Variants in VPS16 observed in about 807,000 individuals in gnomAD.
VPS16 encodes VPS16 core subunit of CORVET and HOPS complexes, also known as vacuolar protein sorting-associated protein 16 homolog.
VPS16 carries 82 observed loss-of-function variants against 116.0 expected under a neutral mutation model. That is an observed-to-expected ratio of 0.71 (90% CI 0.59 to 0.85). The LOEUF (loss-of-function observed/expected upper bound fraction) is 0.85, where lower values mean the gene tolerates loss of function less well. Among genes scored for constraint, VPS16 ranks in the 40% least tolerant of loss-of-function variants. The pLI, the probability that VPS16 is intolerant of heterozygous loss-of-function variation, is 0.00. For missense variants in VPS16, 928 were observed against 1,090.6 expected (o/e 0.85, Z 2.10); for synonymous variants, 406 against 420.7 (o/e 0.96, Z 0.43).
intron 1 of VPS16, among the ~76,000 whole-genome samples, chr20:2,842,909 T>TATCTATCGATAGATAGATAGATG (rs1428286703): frequency 7.6e-4 from 18 of 23,816 alleles, no homozygotes; most frequent in Admixed American, 1.3e-3. Context: ...TAGATATATG[T>TATCTATCGATAGATAGATAGATG]TATGGATTGC....
chr20:2,860,949 C>T lies in VPS16; in HGVS notation c.631-21C>T, dbSNP rs1277333405. On this transcript the variant is annotated intron_variant, in intron 6 of 23. Coordinates refer to ENST00000380445, the MANE Select transcript of VPS16 (RefSeq NM_022575.4). The surrounding 1 kb of genome is among the most constrained non-coding windows in gnomAD (Gnocchi z 6.1). ...AAAGTCAGTATGTATCTGTCCCACC[C>T]CTACCCTGGCTCTGCCTCAGACGCC... The T allele has an allele frequency of 1.2e-6, 2 of 1,614,096 alleles. No individual in the cohort carries two copies. Among genetic ancestry groups the T allele is most frequent in the East Asian group, 4.5e-5 (2 of 44,884 alleles).
At chr20:2,859,855 T>C (rs753652483) in intron 2 of VPS16, 48 bp downstream of exon 2, 1 of 1,573,358 alleles carries the variant, frequency 6.4e-7, no homozygotes, top group Non-Finnish European at 8.7e-7. Flanking sequence ...TGGGATGAAC[T>C]CAAGGTCCTT....
chr20:2,842,915 A>G (rs953816671), intron 1 of VPS16, among the ~76,000 whole-genome samples: 1 of 2,570 alleles, frequency 3.9e-4, no homozygotes, highest in Non-Finnish European at 1.2e-3. Context: ...TATGTTATGG[A>G]TTGCAAGTAA....
At chr20:2,841,184 C>T (rs1466578836) in intron 1 of VPS16, 2 of 314,256 alleles carry the variant, frequency 6.4e-6, no homozygotes, top group East Asian at 7.9e-5. Context: ...CCGAGGGGGG[C>T]GGGATCGCAC....
chr20:2,863,968 C>T lies in VPS16; in HGVS notation c.1496C>T (p.Ser499Leu). 1 of 1,613,986 alleles carries T rather than the reference C, an allele frequency of 6.2e-7. No homozygotes were observed. Among genetic ancestry groups the T allele is most frequent in the Non-Finnish European group, 8.5e-7 (1 of 1,179,938 alleles). The change falls in exon 16 of 24, where the codon TCA (serine) becomes TTA (leucine). Residue 499 changes from serine (S) to leucine (L), a missense_variant. Physicochemically the swap from Ser to Leu is moderately radical, Grantham distance 145 (BLOSUM62 -2). Coordinates refer to ENST00000380445, the MANE Select transcript of VPS16 (RefSeq NM_022575.4). The surrounding 1 kb of genome is among the most constrained non-coding windows in gnomAD (Gnocchi z 4.4). Reference sequence around the variant, plus strand: ...TTGCAGGTGCAACAGAAGGATGTCTCAGATGAGGATGTGGCTCGAGCCATT... The same window carrying T: ...TTGCAGGTGCAACAGAAGGATGTCTTAGATGAGGATGTGGCTCGAGCCATT... ...ACYKVQQKDV[S>L]DEDVARAINQ...
intron 1 of VPS16, among the ~76,000 whole-genome samples, chr20:2,850,734 G>A (rs553673470): frequency 4.6e-5 from 7 of 151,892 alleles, no homozygotes; most frequent in East Asian, 1.9e-4. Context: ...TTGGGAGGCC[G>A]TGGCAGGCAG....
intron 1 of VPS16, among the ~76,000 whole-genome samples, chr20:2,841,967 C>T (rs1049165153): frequency 6.6e-6 from 1 of 152,110 alleles, no homozygotes; most frequent in African/African-American, 2.4e-5. Context: ...GGTGGCCAGG[C>T]TGGTCTTGAA....
At chr20:2,866,394 G>C in intron 23 of VPS16, 36 bp from the exon 24 acceptor site, 1 of 1,614,082 alleles carries the variant, frequency 6.2e-7, no homozygotes, top group Non-Finnish European at 8.5e-7. Flanking sequence ...CCCTTGAGCA[G>C]CCCCAACACC....
rs773036540 is a variant in VPS16 at position 2,864,459 on chromosome 20, A to G, written c.1815A>G (p.Arg605=). The part of the protein sequence containing the change: ...RNQPMALSLY[R]QFCKHQELET... ...AGCCCATGGCCCTCAGTTTGTACCG[A>G]CAGGTGTGTGTAGTGGGCAGGGTTG... Residue 605 remains arginine, a synonymous_variant, in exon 18 of 24, where the codon CGA becomes CGG. Transcript: ENST00000380445. This position sits in a 1 kb window ranked among gnomAD's most constrained non-coding sequence, Gnocchi z 5.2. The G allele has an allele frequency of 1.5e-5, 24 of 1,613,992 alleles. No homozygotes were observed. Among genetic ancestry groups the G allele is most frequent in the Non-Finnish European group, 1.9e-5 (23 of 1,180,014 alleles).
At position 2,844,952 on chromosome 20, in the gene VPS16, G is replaced by A. The variant is rs777494931; in HGVS notation, c.53+4125G>A. ...GATCACCGTTATCTGAAGAACGATGGGAAGCCTCAATTAAAGGATCTTAAC... is the reference window on the plus strand; with the variant it reads ...GATCACCGTTATCTGAAGAACGATGAGAAGCCTCAATTAAAGGATCTTAAC... On this transcript the variant is annotated intron_variant, in intron 1 of 23. Transcript: ENST00000380445. Among the ~76,000 whole-genome samples the A allele has an allele frequency of 6.9e-4, 96 of 139,202 alleles. 1 individual carries two copies. The highest frequency in any genetic ancestry group is 8.3e-4 in the Non-Finnish European group (52 of 63,026). The allele number at this position is 139,202 out of a possible 152,430, so 91.3% of individuals were successfully genotyped here.
chr20:2,843,215 C>T (rs960987828), intron 1 of VPS16, among the ~76,000 whole-genome samples: 1 of 151,980 alleles, frequency 6.6e-6, no homozygotes, highest in Non-Finnish European at 1.5e-5. Context: ...AGGCAGATCA[C>T]GAGGTCAAGA....
rs745916665 is a variant in VPS16, at chr20:2,860,140, G to C, written c.229G>C (p.Ala77Pro). The change falls in exon 3 of 24, where the codon GCC becomes CCC. Residue 77 changes from alanine (A) to proline (P), a missense_variant. Transcript: ENST00000380445. The surrounding 1 kb of genome is among the most constrained non-coding windows in gnomAD (Gnocchi z 6.1). ...ATACTCTGCTTCCGGCATGCCTCTG[G>C]CCAGCCTGCTGGTGAGCACTTCTGA... ...DIYSASGMPL[A>P]SLLWKSGPVV... is the part of the protein sequence containing the mutation. The C allele has an allele frequency of 6.2e-7, 1 of 1,614,048 alleles. No homozygotes were observed. The highest frequency in any genetic ancestry group is 8.5e-7 in the Non-Finnish European group (1 of 1,180,016).
rs374502603 is a variant in VPS16 at position 2,863,415 on chromosome 20, G to C, written c.1476+17G>C. On this transcript the variant is annotated intron_variant, in intron 15 of 23. Transcript: ENST00000380445. The surrounding 1 kb of genome is among the most constrained non-coding windows in gnomAD (Gnocchi z 4.4). ...TGCTACAAGGCAAGGATGTGGGATG[G>C]GGTCCAAGGGCATTTAGAGGATTCC... 2.1e-5 allele frequency: 34 copies of C among 1,611,884 alleles called. No homozygotes were observed. In the African/African-American group the frequency reaches 4.4e-4, roughly 21 times the overall value.
At chr20:2,850,012 C>T (rs1599979302) in intron 1 of VPS16, among the ~76,000 whole-genome samples, 1 of 152,178 alleles carries the variant, frequency 6.6e-6, no homozygotes, top group East Asian at 1.9e-4. Context: ...GAAGACTTAA[C>T]ATGGAAAGTT....
At position 2,863,037 on chromosome 20, in the gene VPS16, A is replaced by G. The variant is rs1173351734; in HGVS notation, c.1332-28A>G. 2 of 1,613,958 alleles carry G rather than the reference A, an allele frequency of 1.2e-6. No individual in the cohort carries two copies. Among genetic ancestry groups the G allele is most frequent in the Non-Finnish European group, 1.7e-6 (2 of 1,180,018 alleles). On this transcript the variant is annotated intron_variant, in intron 13 of 23. Transcript: ENST00000380445. This position sits in a 1 kb window ranked among gnomAD's most constrained non-coding sequence, Gnocchi z 4.4. ...CCTGGCAAGCGGGGCTTATTCTCCA[A>G]CTGGATCCTTAACCGAGGAAAATAC...
chr20:2,843,172 G>A (rs1016657864), intron 1 of VPS16, among the ~76,000 whole-genome samples: 2 of 151,538 alleles, frequency 1.3e-5, no homozygotes, highest in Admixed American at 6.6e-5. Flanking sequence ...GGTGGCTCAC[G>A]CCTGTAATCC....
rs2274671 is a variant in VPS16, at chr20:2,864,265, C to A, written c.1698C>A (p.Ile566=). The stretch of plus-strand genomic sequence containing the variant: ...GCAAACTGGCACTAAGCAAGGCCAT[C>A]GAGAGCGGGGACACTGACCTGGGTG... The part of the protein sequence containing the change: ...KRSKLALSKA[I]ESGDTDLVFT... Residue 566 remains isoleucine, a synonymous_variant, in exon 17 of 24, where the codon ATC becomes ATA. Transcript: ENST00000380445. This position sits in a 1 kb window ranked among gnomAD's most constrained non-coding sequence, Gnocchi z 5.2. 2 of 1,614,152 alleles carry A rather than the reference C, an allele frequency of 1.2e-6. No individual in the cohort carries two copies. Among genetic ancestry groups the A allele is most frequent in the Non-Finnish European group, 1.7e-6 (2 of 1,180,030 alleles).
rs1320503435 is a variant in VPS16, at chr20:2,840,781, T to A, written c.7T>A (p.Cys3Ser). The change falls in exon 1 of 24, where the codon TGC (cysteine) becomes AGC (serine). Residue 3 changes from cysteine to serine, a missense_variant. Cys to Ser is a moderately radical substitution (Grantham distance 112). Coordinates refer to ENST00000380445, the MANE Select transcript of VPS16 (RefSeq NM_022575.4). ...GCTGCCGTCTGCACCAGCCATGGAC[T>A]GCTACACGGCGAACTGGAACCCACT... MDCYTANWNPLGD... is the reference protein window; with the variant it reads MDSYTANWNPLGD... 1 of 1,548,560 alleles carries A rather than the reference T, an allele frequency of 6.5e-7. No homozygotes were observed. The highest frequency in any genetic ancestry group is 8.7e-7 in the Non-Finnish European group (1 of 1,146,614).
At chr20:2,862,374 A>T in intron 11 of VPS16, 1 of 1,174,076 alleles carries the variant, frequency 8.5e-7, no homozygotes, top group Non-Finnish European at 1.2e-6. Context: ...GGAGTTCTCA[A>T]GGCCCCCCTA....
Sources: gnomAD v4.1 joint callset for allele counts (sites outside exome capture counted in the v4.1 genomes callset) on GRCh38, gnomAD v4.1.1 for gene constraint, Gnocchi (gnomAD v3.1) non-coding constraint, MANE v1.5 for transcripts, NCBI Gene and HGNC (gene_info 2026-07-23, HGNC 2026-07-21) for gene names.